Variants in DISP1 observed in about 807,000 individuals in gnomAD.
The protein encoded by DISP1 is dispatched RND transporter family member 1.
A neutral mutation model predicts 37.3 loss-of-function variants in DISP1; 30 were observed. The observed-to-expected ratio is 0.80, with a 90% CI of 0.60 to 1.09. The LOEUF (loss-of-function observed/expected upper bound fraction) is 1.09, where lower values mean the gene tolerates loss of function less well. Among genes scored for constraint, DISP1 ranks in the 50% least tolerant of loss-of-function variants. The pLI, the probability that DISP1 is intolerant of heterozygous loss-of-function variation, is 0.00. For synonymous variants in DISP1, 634 were observed against 690.2 expected (o/e 0.92, Z 1.28); for missense variants, 1,598 against 1,879.5 (o/e 0.85, Z 2.77).
At chr1:222,856,624 A>G (rs1280596694) in intron 1 of DISP1, among the ~76,000 whole-genome samples, 1 of 152,094 alleles carries the variant, frequency 6.6e-6, no homozygotes, top group Non-Finnish European at 1.5e-5. Context: ...TGCCTACCAT[A>G]CGATATCCAT....
chr1:222,823,580 G>A (rs747676294), intron 1 of DISP1, among the ~76,000 whole-genome samples: 3 of 152,024 alleles, frequency 2.0e-5, no homozygotes, highest in Non-Finnish European at 4.4e-5. Context: ...TACATTCTTT[G>A]GGTGATGGTT....
chr1:222,857,485 C>T (rs1434441107), intron 1 of DISP1, among the ~76,000 whole-genome samples: 1 of 152,090 alleles, frequency 6.6e-6, no homozygotes, highest in Non-Finnish European at 1.5e-5. Flanking sequence ...GAGAGGAAAT[C>T]CAACTATCTC....
chr1:222,900,965 AACAG>A (rs1214609781), intron 1 of DISP1, among the ~76,000 whole-genome samples: 1 of 152,224 alleles, frequency 6.6e-6, no homozygotes, highest in East Asian at 1.9e-4. Context: ...GGAATGATCC[AACAG>A]AGAGGGAAAA....
intron 4 of DISP1, chr1:222,989,605 T>A (rs745438408): frequency 1.0e-6 from 1 of 975,736 alleles, no homozygotes; most frequent in Non-Finnish European, 1.2e-6. Flanking sequence ...GTTCTGCACA[T>A]GTGGGAAGAG....
chr1:222,928,919 C>T (rs1384709684), intron 2 of DISP1, among the ~76,000 whole-genome samples: 1 of 152,046 alleles, frequency 6.6e-6, no homozygotes, highest in Non-Finnish European at 1.5e-5. Context: ...CTATCTAAAA[C>T]AGAAAATTTT....
At chr1:222,873,691 T>C (rs980379923) in intron 1 of DISP1, among the ~76,000 whole-genome samples, 1 of 152,224 alleles carries the variant, frequency 6.6e-6, no homozygotes, top group Non-Finnish European at 1.5e-5. Flanking sequence ...ATGGGTTTCC[T>C]GAATACAGCA....
In DISP1 at chr1:222,942,764, C is replaced by T. The variant is rs540027961; in HGVS notation, c.-17-43C>T. On this transcript the variant is annotated intron_variant, in intron 2 of 8. Transcript: ENST00000675850. Reference sequence around the variant, plus strand: ...ATACTTGTCTTTCCTACATATTTGCCTGCCTGACTGTAACTGGGCGATTTT... The same window carrying T: ...ATACTTGTCTTTCCTACATATTTGCTTGCCTGACTGTAACTGGGCGATTTT... The T allele has an allele frequency of 3.0e-4, 478 of 1,610,330 alleles. 1 individual carries two copies. The highest frequency in any genetic ancestry group is 2.5e-4 in the Non-Finnish European group (300 of 1,176,960).
chr1:222,864,258 GC>G (rs1259253026), intron 1 of DISP1, among the ~76,000 whole-genome samples: 2 of 152,114 alleles, frequency 1.3e-5, no homozygotes, highest in East Asian at 3.8e-4. Flanking sequence ...TCTTGTTCAA[GC>G]CTTGGCATTA....
chr1:222,867,119 A>T (rs1214782276), intron 1 of DISP1, among the ~76,000 whole-genome samples: 5 of 152,230 alleles, frequency 3.3e-5, no homozygotes, highest in Non-Finnish European at 5.9e-5. Flanking sequence ...TGAATCAATG[A>T]ATCTTAGAAG....
intron 2 of DISP1, among the ~76,000 whole-genome samples, chr1:222,940,442 C>T (rs1292859345): frequency 1.3e-5 from 2 of 152,166 alleles, no homozygotes; most frequent in Admixed American, 1.3e-4. Flanking sequence ...CCACGCCCCA[C>T]CTCCAACACT....
chr1:222,833,336 C>T (rs1666235446), intron 1 of DISP1, among the ~76,000 whole-genome samples: 1 of 152,040 alleles, frequency 6.6e-6, no homozygotes, highest in Non-Finnish European at 1.5e-5. Flanking sequence ...TTCCGTACAC[C>T]CTACTTTTTG....
At chr1:222,931,853 A>C (rs868783436) in intron 2 of DISP1, among the ~76,000 whole-genome samples, 1 of 151,908 alleles carries the variant, frequency 6.6e-6, no homozygotes, top group Non-Finnish European at 1.5e-5. Flanking sequence ...TCTTCAAAAG[A>C]TCAATAAATA....
chr1:222,924,812 G>A (rs1345559568), intron 1 of DISP1, among the ~76,000 whole-genome samples: 1 of 152,074 alleles, frequency 6.6e-6, no homozygotes, highest in Non-Finnish European at 1.5e-5. Flanking sequence ...ATCCGGAATT[G>A]CATTTTTGAC....
At chr1:222,979,828 T>A (rs553333547) in intron 3 of DISP1, 6 of 260,696 alleles carry the variant, frequency 2.3e-5, no homozygotes, top group Admixed American at 2.2e-4. Context: ...ACACTTCTGC[T>A]CCCAGCATTT....
intron 1 of DISP1, among the ~76,000 whole-genome samples, chr1:222,859,094 A>G (rs376839532): frequency 3.3e-5 from 5 of 152,372 alleles, no homozygotes; most frequent in East Asian, 3.9e-4. Flanking sequence ...AAGTCCATCA[A>G]TGATAGACTG....
chr1:222,984,419 A>AT (rs761912265), intron 4 of DISP1, among the ~76,000 whole-genome samples: 18,001 of 100,770 alleles, frequency 0.18, 2,080 homozygotes, highest in Non-Finnish European at 0.2. Flanking sequence ...AAAAAAAAAA[A>AT]AAATATATAT....
intron 1 of DISP1, among the ~76,000 whole-genome samples, chr1:222,919,420 C>A (rs1672688032): frequency 6.6e-6 from 1 of 152,138 alleles, no homozygotes; most frequent in African/African-American, 2.4e-5. Context: ...AACAGCTGAC[C>A]AATCGTTATC....
chr1:222,887,954 A>C (rs1301330611), intron 1 of DISP1, among the ~76,000 whole-genome samples: 1 of 152,194 alleles, frequency 6.6e-6, no homozygotes, highest in East Asian at 1.9e-4. Flanking sequence ...TATTTCAGTC[A>C]CTGATATTAA....
intron 1 of DISP1, among the ~76,000 whole-genome samples, chr1:222,888,288 CAT>C (rs1448270921): frequency 6.6e-6 from 1 of 152,112 alleles, no homozygotes; most frequent in Non-Finnish European, 1.5e-5. Flanking sequence ...ATGAGTATCA[CAT>C]ATGAAATATA....
Sources: allele counts gnomAD v4.1 joint callset (sites outside exome capture counted in the v4.1 genomes callset), GRCh38; gene constraint gnomAD v4.1.1; transcripts MANE v1.5; gene names NCBI Gene and HGNC (gene_info 2026-07-23, HGNC 2026-07-21).